The following THSD7B variants were observed in gnomAD, a reference collection of about 807,000 sequenced individuals.
THSD7B encodes the protein thrombospondin type 1 domain containing 7B.
In THSD7B, 138 loss-of-function variants were observed where a neutral mutation model predicts 213.6. The ratio of observed to expected loss-of-function variants is 0.65; its 90% CI spans 0.56 to 0.74. The LOEUF (loss-of-function observed/expected upper bound fraction) is 0.74. THSD7B is among the 30% of genes least tolerant of loss of function. The pLI is 0.00. For missense variants in THSD7B, 1,931 were observed against 1,991.5 expected (o/e 0.97, Z 0.58); for synonymous variants, 742 against 687.0 (o/e 1.08, Z -1.25).
chr2:137,178,704 G>A (rs1680403090), intron 7 of THSD7B, among the ~76,000 whole-genome samples: 1 of 152,146 alleles, frequency 6.6e-6, no homozygotes, highest in Admixed American at 6.5e-5. Context: ...GTAAACTGGT[G>A]AATCAATTTA....
intron 4 of THSD7B, among the ~76,000 whole-genome samples, chr2:137,104,482 A>G (rs1430540674): frequency 6.6e-6 from 1 of 152,130 alleles, no homozygotes; most frequent in African/African-American, 2.4e-5. Flanking sequence ...TAAAAAGAAC[A>G]TCACAAGTAA....
intron 12 of THSD7B, among the ~76,000 whole-genome samples, chr2:137,361,973 C>G (rs1346500963): frequency 2.0e-5 from 3 of 152,096 alleles, no homozygotes. Context: ...ATGTTAAGGG[C>G]AGCCAGAGAC....
chr2:137,663,033 C>T (rs1250117886), intron 25 of THSD7B, among the ~76,000 whole-genome samples: 1 of 149,880 alleles, frequency 6.7e-6, no homozygotes, highest in African/African-American at 2.5e-5. Context: ...CCATTGTACT[C>T]CAGCATCAGC....
At chr2:136,907,088 G>A (rs1684177661) in intron 2 of THSD7B, among the ~76,000 whole-genome samples, 1 of 151,558 alleles carries the variant, frequency 6.6e-6, no homozygotes, top group Admixed American at 6.6e-5. Context: ...GGGATTACAG[G>A]CACTCGCCAC....
At chr2:137,252,266 C>CAAAAAAA (rs1182130976) in intron 10 of THSD7B, among the ~76,000 whole-genome samples, 7 of 59,676 alleles carry the variant, frequency 1.2e-4, no homozygotes, top group Admixed American at 2.8e-4. Context: ...GACTCTGTCT[C>CAAAAAAA]AAAAAAAAAA....
At chr2:137,490,404 A>G (rs1688577793) in intron 15 of THSD7B, among the ~76,000 whole-genome samples, 1 of 152,210 alleles carries the variant, frequency 6.6e-6, no homozygotes, top group Non-Finnish European at 1.5e-5. Context: ...AAATATTTTC[A>G]TAGGGTGCAG....
chr2:137,318,703 C>A (rs1573958676), intron 12 of THSD7B, among the ~76,000 whole-genome samples: 1 of 150,758 alleles, frequency 6.6e-6, no homozygotes, highest in Non-Finnish European at 1.5e-5. Flanking sequence ...TGTCTCTATA[C>A]TTAAGAGCTT....
chr2:137,078,111 G>A (rs1280727773), intron 3 of THSD7B, among the ~76,000 whole-genome samples: 1 of 152,120 alleles, frequency 6.6e-6, no homozygotes. Context: ...GTTTTTGTCA[G>A]GTTTGTCAAA....
At chr2:137,547,368 G>A (rs1005412474) in intron 15 of THSD7B, among the ~76,000 whole-genome samples, 11 of 152,040 alleles carry the variant, frequency 7.2e-5, no homozygotes, top group South Asian at 2.1e-4. Flanking sequence ...ATTTTAACTC[G>A]TAATATAGCA....
In THSD7B at chr2:137,676,875, TGGGA is replaced by T. The variant is rs1339992007; in HGVS notation, c.*273_*276del. On this transcript the variant is annotated 3_prime_UTR_variant, in exon 28 of 28. Coordinates refer to ENST00000409968, the MANE Select transcript of THSD7B (RefSeq NM_001316349.2). ...AAACCCTTCTCTTCCTGTTTGGAAC[TGGGA>T]GGAAGAAAACATGATGGAATTCCCA... 6.8e-6 allele frequency: 2 copies of T among 295,922 alleles called. No homozygotes were observed. Among genetic ancestry groups the T allele is most frequent in the African/African-American group, 4.4e-5 (2 of 45,516 alleles). 18.3% of individuals were successfully genotyped at this position (295,922 alleles called of 1,614,324 possible). A position where few individuals can be genotyped will look rare whatever the true frequency, so the allele number is the denominator to read the frequency against.
At chr2:137,615,578 T>A (rs1203123169) in intron 17 of THSD7B, among the ~76,000 whole-genome samples, 3 of 152,156 alleles carry the variant, frequency 2.0e-5, no homozygotes, top group Non-Finnish European at 4.4e-5. Flanking sequence ...ATCTTTGGAG[T>A]TCACATTTTC....
At chr2:136,858,237 AT>A (rs1354984669) in intron 1 of THSD7B, among the ~76,000 whole-genome samples, 2 of 152,196 alleles carry the variant, frequency 1.3e-5, no homozygotes, top group Non-Finnish European at 2.9e-5. Context: ...TGGGCAGCAT[AT>A]TTTCACTGTT....
chr2:137,229,756 C>T (rs1452506195), intron 7 of THSD7B, among the ~76,000 whole-genome samples: 2 of 152,140 alleles, frequency 1.3e-5, no homozygotes, highest in African/African-American at 2.4e-5. Flanking sequence ...CTCTCTGAGC[C>T]TCTGCTCTGA....
At chr2:136,950,840 T>C (rs977116836) in intron 2 of THSD7B, among the ~76,000 whole-genome samples, 3 of 152,226 alleles carry the variant, frequency 2.0e-5, no homozygotes, top group African/African-American at 7.2e-5. Flanking sequence ...GGCCCATGGT[T>C]GTGCGTGGCA....
At chr2:136,957,298 T>C (rs2105080053) in intron 2 of THSD7B, among the ~76,000 whole-genome samples, 1 of 152,200 alleles carries the variant, frequency 6.6e-6, no homozygotes, top group Non-Finnish European at 1.5e-5. Context: ...CTTGCTACCA[T>C]GTGCATGCTG....
chr2:137,579,722 A>G lies in THSD7B; in HGVS notation c.3423+7166A>G, dbSNP rs1341910608. On this transcript the variant is annotated intron_variant, in intron 17 of 27. Transcript: ENST00000409968. The stretch of plus-strand genomic sequence containing the variant: ...GCTATAGAGTCCAAATCAAGTTCCA[A>G]TTTACCCATTGCTGATTTGGAATTC... Among the ~76,000 whole-genome samples, 6 of 152,210 alleles carry G rather than the reference A, an allele frequency of 3.9e-5. No homozygotes were observed. The South Asian group carries it at 1.0e-3, about 26-fold the overall frequency.
intron 12 of THSD7B, among the ~76,000 whole-genome samples, chr2:137,393,740 A>T (rs1385786093): frequency 1.4e-5 from 2 of 140,898 alleles, no homozygotes; most frequent in African/African-American, 5.2e-5. Flanking sequence ...CACCACACTG[A>T]CGTCCACAAT....
chr2:137,075,902 A>T (rs909424455), intron 3 of THSD7B, among the ~76,000 whole-genome samples: 1 of 152,062 alleles, frequency 6.6e-6, no homozygotes, highest in African/African-American at 2.4e-5. Context: ...TGAACAGTGG[A>T]TTTTGGTGAA....
intron 15 of THSD7B, among the ~76,000 whole-genome samples, chr2:137,522,178 G>A (rs907017957): frequency 1.3e-5 from 2 of 152,172 alleles, no homozygotes; most frequent in East Asian, 1.9e-4. Flanking sequence ...GTGCTCTATA[G>A]TGAACCCTTC....
Sources: gnomAD v4.1 joint callset for allele counts (sites outside exome capture counted in the v4.1 genomes callset) on GRCh38, gnomAD v4.1.1 for gene constraint, MANE v1.5 for transcripts, NCBI Gene and HGNC (gene_info 2026-07-23, HGNC 2026-07-21) for gene names.